The following CCDC88A variants were observed in gnomAD, a reference collection of about 807,000 sequenced individuals.
CCDC88A encodes coiled-coil and HOOK domain protein 88A.
CCDC88A carries 54 observed loss-of-function variants against 234.3 expected under a neutral mutation model. The ratio of observed to expected loss-of-function variants is 0.23; its 90% CI spans 0.19 to 0.29. The LOEUF is 0.29. CCDC88A is among the 10% of genes least tolerant of loss of function. CCDC88A has a pLI of 1.00. For missense variants in CCDC88A, 1,832 were observed against 2,123.4 expected, an observed-to-expected ratio of 0.86 and a Z score of 2.70; for synonymous variants, 753 against 737.8, an observed-to-expected ratio of 1.02 and a Z score of -0.33.
chr2:55,334,458 T>C lies in CCDC88A; in HGVS notation c.2363A>G (p.Asp788Gly). The stretch of plus-strand genomic sequence containing the variant: ...CAATGTTTGATTTTCCATCTCTAAG[T>C]CTTGTAGTTCACTCTCTAATTGCTG... ...KIQQLESELQ[D>G]LEMENQTLQK... The change falls in exon 15 of 33, where the codon GAC becomes GGC. Residue 788 changes from aspartate to glycine, a missense_variant. By Grantham distance (94) the Asp-to-Gly change is moderately conservative. Transcript: ENST00000436346. This position sits in a 1 kb window ranked among gnomAD's most constrained non-coding sequence, Gnocchi z 6.1. 1.9e-6 allele frequency: 3 copies of C among 1,597,526 alleles called. No homozygotes were observed. The highest frequency in any genetic ancestry group is 2.6e-6 in the Non-Finnish European group (3 of 1,175,054).
intron 2 of CCDC88A, among the ~76,000 whole-genome samples, chr2:55,396,659 TG>T (rs1677626571): frequency 6.6e-6 from 1 of 151,922 alleles, no homozygotes; most frequent in Admixed American, 6.6e-5. Flanking sequence ...TCACGAGGTC[TG>T]GAGATCGAGA....
In CCDC88A at chr2:55,364,072, G is replaced by C. The variant is rs779348510; in HGVS notation, c.403-39C>G. On this transcript the variant is annotated intron_variant, in intron 5 of 32. Transcript: ENST00000436346. ...ATAAAATAGTTATTCATACTTTATA[G>C]GGTATGGTCCTTAAAATGTTATATA... 10 of 984,730 alleles carry C rather than the reference G, an allele frequency of 1.0e-5. No homozygotes were observed. The South Asian group carries it at 1.3e-4, about 13-fold the overall frequency. The allele number at this position is 984,730 out of a possible 1,614,324, so 61.0% of individuals were successfully genotyped here.
At chr2:55,371,108 A>G (rs78772932) in intron 5 of CCDC88A, among the ~76,000 whole-genome samples, 27 of 152,328 alleles carry the variant, frequency 1.8e-4, no homozygotes, top group African/African-American at 6.5e-4. Context: ...TATTTATGCT[A>G]TTGCTATGTA....
At chr2:55,337,817 G>GTT (rs1667986550) in intron 13 of CCDC88A, 1 of 152,064 alleles carries the variant, frequency 6.6e-6, no homozygotes, top group South Asian at 2.1e-4. Context: ...TCCAGCCTGG[G>GTT]TGATATAGTG....
At chr2:55,416,553 C>T (rs1387060988) in intron 2 of CCDC88A, among the ~76,000 whole-genome samples, 1 of 144,504 alleles carries the variant, frequency 6.9e-6, no homozygotes, top group African/African-American at 2.5e-5. Context: ...TATAAACCCA[C>T]AGATCCAAGA....
intron 5 of CCDC88A, among the ~76,000 whole-genome samples, chr2:55,369,191 C>T (rs1672459335): frequency 6.6e-6 from 1 of 152,056 alleles, no homozygotes; most frequent in African/African-American, 2.4e-5. Flanking sequence ...CCCACTACCA[C>T]ACCCGGCTAA....
At chr2:55,319,328 G>A (rs1426669024) in intron 18 of CCDC88A, among the ~76,000 whole-genome samples, 1 of 152,098 alleles carries the variant, frequency 6.6e-6, no homozygotes, top group Non-Finnish European at 1.5e-5. Flanking sequence ...CAGTTGTATG[G>A]TTTTAATACT....
chr2:55,398,380 C>T (rs750781231), intron 2 of CCDC88A, among the ~76,000 whole-genome samples: 25 of 152,136 alleles, frequency 1.6e-4, no homozygotes, highest in African/African-American at 5.1e-4. Flanking sequence ...ATATCATTAT[C>T]TATTACTATA....
At chr2:55,418,961 A>G in intron 1 of CCDC88A, 45 bp from the exon 2 acceptor site, 3 of 1,595,644 alleles carry the variant, frequency 1.9e-6, no homozygotes, top group Non-Finnish European at 2.6e-6. Context: ...GCCCACCTCC[A>G]TCTCTGCAGC....
intron 29 of CCDC88A, among the ~76,000 whole-genome samples, chr2:55,297,381 A>AAATATATATAATATATATTATATAT (rs1491145761): frequency 2.1e-5 from 2 of 96,824 alleles, no homozygotes; most frequent in African/African-American, 1.0e-4. Context: ...TATTATATAT[A>AAATATATATAATATATATTATATAT]AATATATATT....
intron 8 of CCDC88A, among the ~76,000 whole-genome samples, chr2:55,352,565 A>C (rs1008948440): frequency 2.6e-5 from 4 of 152,180 alleles, no homozygotes; most frequent in Admixed American, 2.6e-4. Flanking sequence ...TGCGAATTAT[A>C]TCTCAATAAG....
chr2:55,333,328 T>C (rs1379690044), intron 15 of CCDC88A, among the ~76,000 whole-genome samples: 1 of 152,180 alleles, frequency 6.6e-6, no homozygotes, highest in Non-Finnish European at 1.5e-5. Context: ...GAGCCAAACA[T>C]ATACCTTCTG....
chr2:55,412,985 C>T (rs1022037467), intron 2 of CCDC88A, among the ~76,000 whole-genome samples: 1 of 152,158 alleles, frequency 6.6e-6, no homozygotes, highest in Admixed American at 6.5e-5. Flanking sequence ...GGGAGGATCA[C>T]TTGAACCCAG....
chr2:55,323,153 A>C (rs1323957320), intron 17 of CCDC88A: 1 of 152,322 alleles, frequency 6.6e-6, no homozygotes, highest in East Asian at 1.9e-4. Context: ...AATCCTGGAT[A>C]AGATATATCC....
intron 3 of CCDC88A, among the ~76,000 whole-genome samples, chr2:55,382,537 T>G (rs1042986975): frequency 6.6e-6 from 1 of 152,170 alleles, no homozygotes; most frequent in African/African-American, 2.4e-5. Context: ...TACTTGTAAA[T>G]GCTGTCTCTG....
In CCDC88A at chr2:55,322,663, C is replaced by G; in HGVS notation, c.3027G>C (p.Gln1009His). 1 of 1,554,564 alleles carries G rather than the reference C, an allele frequency of 6.4e-7. No homozygotes were observed. The highest frequency in any genetic ancestry group is 1.3e-5 in the South Asian group (1 of 78,094). ...TVKKNYEALK[Q>H]RQDEERMVQS... is the part of the protein sequence containing the mutation. ...GTACCATCCTTTCCTCATCTTGTCT[C>G]TGTTTGAGAGCTTCATAATTTTTTT... The change falls in exon 18 of 33, where the codon CAG becomes CAC. Residue 1009 changes from glutamine to histidine, a missense_variant. Transcript: ENST00000436346.
At position 55,299,104 on chromosome 2, in the gene CCDC88A, T is replaced by C. The variant is rs74867841; in HGVS notation, c.4825+735A>G. Among the ~76,000 whole-genome samples the C allele has an allele frequency of 1.7e-4, 26 of 152,066 alleles. No homozygotes were observed. The East Asian group carries it at 4.1e-3, about 24-fold the overall frequency. On this transcript the variant is annotated intron_variant, in intron 29 of 32. Coordinates refer to ENST00000436346, the MANE Select transcript of CCDC88A (RefSeq NM_001365480.1). ...CTGCCGTTCCAGCTACTTGGGAGGT[T>C]GAGACAGGAGAATGGCTTGAACCTG...
chr2:55,418,920 G>C lies in CCDC88A; in HGVS notation c.64-4C>G, dbSNP rs1160535847. ...CCAGAGGTCCAAACGTTTTAACCTA[G>C]AACAAACAGAAGGATCACCACGACA... On this transcript the variant is annotated splice_region_variant and splice_polypyrimidine_tract_variant and intron_variant, in intron 1 of 32. Transcript: ENST00000436346. The C allele has an allele frequency of 1.9e-6, 3 of 1,612,518 alleles. No homozygotes were observed. The highest frequency in any genetic ancestry group is 2.7e-5 in the African/African-American group (2 of 74,860).
At chr2:55,351,380 C>G (rs1386237948) in intron 8 of CCDC88A, among the ~76,000 whole-genome samples, 1 of 151,980 alleles carries the variant, frequency 6.6e-6, no homozygotes, top group Non-Finnish European at 1.5e-5. Context: ...CAGAGTCTGA[C>G]TCTGTTACCC....
Sources: gnomAD v4.1 joint callset for allele counts (sites outside exome capture counted in the v4.1 genomes callset) on GRCh38, gnomAD v4.1.1 for gene constraint, Gnocchi (gnomAD v3.1) non-coding constraint, MANE v1.5 for transcripts, NCBI Gene and HGNC (gene_info 2026-07-23, HGNC 2026-07-21) for gene names.